TUSC3: variants seen among roughly 807,000 people sequenced by gnomAD.
The protein encoded by TUSC3 is dolichyl-diphosphooligosaccharide--protein glycosyltransferase subunit TUSC3.
TUSC3 carries 45 observed loss-of-function variants against 44.8 expected under a neutral mutation model. The ratio of observed to expected loss-of-function variants is 1.00; its 90% CI spans 0.79 to 1.29. The LOEUF (loss-of-function observed/expected upper bound fraction) is 1.29. Ranked by LOEUF, TUSC3 falls within the 50% of genes most tolerant of loss-of-function variation. The pLI is 0.00. For synonymous variants in TUSC3, 212 were observed against 152.9 expected, an observed-to-expected ratio of 1.39 and a Z score of -2.85; for missense variants, 519 against 437.9, an observed-to-expected ratio of 1.19 and a Z score of -1.65.
the TUSC3 span, among the ~76,000 whole-genome samples, chr8:15,842,243 T>A: frequency 6.6e-6 from 1 of 152,162 alleles, no homozygotes. Context: ...CGACTTGGGT[T>A]AGAAGTGCAT....
intron 1 of TUSC3, among the ~76,000 whole-genome samples, chr8:15,565,167 T>C (rs1373342559): frequency 1.1e-5 from 1 of 92,104 alleles, no homozygotes; most frequent in Non-Finnish European, 2.4e-5. Context: ...GAGGGGAGCC[T>C]TTTTTTTTTT....
At chr8:15,851,659 T>C in the TUSC3 span, among the ~76,000 whole-genome samples, 21 of 152,320 alleles carry the variant, frequency 1.4e-4, no homozygotes, top group Non-Finnish European at 2.5e-4. Flanking sequence ...CCACCGCTGC[T>C]CAGATCAAGG....
upstream of TUSC3, among the ~76,000 whole-genome samples, chr8:15,535,352 A>C (rs1434403489): frequency 1.3e-5 from 2 of 152,172 alleles, no homozygotes; most frequent in Admixed American, 6.5e-5. Flanking sequence ...TGTCACTGAC[A>C]ATCTTTGGAG....
chr8:15,617,885 C>T (rs1805063729), intron 1 of TUSC3, among the ~76,000 whole-genome samples: 1 of 152,100 alleles, frequency 6.6e-6, no homozygotes. Context: ...CAAAAGTATG[C>T]TCACCGAAAC....
At chr8:15,612,586 G>C (rs1317563010) in intron 1 of TUSC3, among the ~76,000 whole-genome samples, 1 of 152,118 alleles carries the variant, frequency 6.6e-6, no homozygotes, top group Non-Finnish European at 1.5e-5. Flanking sequence ...TTGCTATAAA[G>C]TTAAGCCTTC....
intron 1 of TUSC3, among the ~76,000 whole-genome samples, chr8:15,432,863 A>G (rs1432778229): frequency 6.6e-6 from 1 of 152,040 alleles, no homozygotes; most frequent in Admixed American, 6.6e-5. Flanking sequence ...CCTCTCTCCC[A>G]GGTCAGTTAG....
chr8:15,702,935 C>A (rs1225961101), intron 6 of TUSC3, among the ~76,000 whole-genome samples: 2 of 152,066 alleles, frequency 1.3e-5, no homozygotes, highest in African/African-American at 4.8e-5. Context: ...AAATTGTTTA[C>A]GTGCATGATG....
chr8:15,513,072 C>T (rs1006253145), intron 2 of TUSC3, among the ~76,000 whole-genome samples: 38 of 150,202 alleles, frequency 2.5e-4, no homozygotes, highest in African/African-American at 8.1e-4. Context: ...ACAATTGTAA[C>T]GTTACCAAAA....
intron 3 of TUSC3, among the ~76,000 whole-genome samples, chr8:15,657,530 C>T (rs1016489312): frequency 2.6e-5 from 4 of 152,196 alleles, no homozygotes; most frequent in African/African-American, 9.6e-5. Flanking sequence ...ATCAGAATGG[C>T]TTTTACTGTC....
chr8:15,626,128 A>G (rs142337430), intron 2 of TUSC3, among the ~76,000 whole-genome samples: 1 of 152,148 alleles, frequency 6.6e-6, no homozygotes, highest in East Asian at 1.9e-4. Context: ...CTGTGTCCCC[A>G]AGGTAGCTGA....
intron 1 of TUSC3, among the ~76,000 whole-genome samples, chr8:15,427,672 A>ACCTTATG (rs113669325): frequency 0.14 from 20,849 of 152,022 alleles, 1,528 homozygotes; most frequent in Middle Eastern, 0.21. Flanking sequence ...CCTTGGTCTC[A>ACCTTATG]CCTTATGCCC....
At chr8:15,590,075 A>T (rs1803761130) in intron 1 of TUSC3, among the ~76,000 whole-genome samples, 1 of 152,204 alleles carries the variant, frequency 6.6e-6, no homozygotes, top group Non-Finnish European at 1.5e-5. Flanking sequence ...TGTTAAAAGC[A>T]TCTGACTTAG....
At chr8:15,827,723 C>G in the TUSC3 span, among the ~76,000 whole-genome samples, 18 of 152,142 alleles carry the variant, frequency 1.2e-4, no homozygotes, top group African/African-American at 3.9e-4. Flanking sequence ...TAAACTGAAC[C>G]ATTTGCCCCA....
At chr8:15,646,433 T>TAA (rs891224577) in intron 2 of TUSC3, among the ~76,000 whole-genome samples, 7 of 152,044 alleles carry the variant, frequency 4.6e-5, no homozygotes, top group African/African-American at 1.7e-4. Context: ...TACAAATTGG[T>TAA]TATTGGGACA....
the TUSC3 span, among the ~76,000 whole-genome samples, chr8:15,779,476 G>GGGAA: frequency 1.3e-5 from 2 of 151,934 alleles, no homozygotes; most frequent in Admixed American, 6.6e-5. Context: ...AGCTGAAGGA[G>GGGAA]TATTGACACC....
chr8:15,782,199 T>C, the TUSC3 span, among the ~76,000 whole-genome samples: 11 of 152,290 alleles, frequency 7.2e-5, no homozygotes, highest in East Asian at 1.5e-3. Context: ...CAGCAAAATA[T>C]GAGTAAACTG....
intron 1 of TUSC3, among the ~76,000 whole-genome samples, chr8:15,449,868 A>C: frequency 6.6e-6 from 1 of 151,672 alleles, no homozygotes; most frequent in East Asian, 1.9e-4. Context: ...TACCTTTTTT[A>C]TGTCTAGATA....
chr8:15,523,704 G>GTATATATATATATATATATATA (rs1563273688), intron 2 of TUSC3, among the ~76,000 whole-genome samples: 20 of 112,578 alleles, frequency 1.8e-4, no homozygotes, highest in South Asian at 1.3e-3. Context: ...GTGTGTGTGT[G>GTATATATATATATATATATATA]TGTGTATATA....
chr8:15,491,780 A>G (rs1228986063), intron 2 of TUSC3, among the ~76,000 whole-genome samples: 1 of 152,218 alleles, frequency 6.6e-6, no homozygotes, highest in Non-Finnish European at 1.5e-5. Context: ...CAGGCTGAAC[A>G]CAGCCTGAAT....
Sources: allele counts gnomAD v4.1 joint callset (sites outside exome capture counted in the v4.1 genomes callset), GRCh38; gene constraint gnomAD v4.1.1; transcripts MANE v1.5; gene names NCBI Gene and HGNC (gene_info 2026-07-23, HGNC 2026-07-21).